The following SLC39A10 variants were observed in gnomAD, a reference collection of about 807,000 sequenced individuals.
SLC39A10 encodes solute carrier family 39 member 10, also known as zinc transporter ZIP10.
SLC39A10 carries 13 observed loss-of-function variants against 65.1 expected under a neutral mutation model. The observed-to-expected ratio is 0.20, with a 90% CI of 0.13 to 0.32. The LOEUF (loss-of-function observed/expected upper bound fraction) is 0.32. Among genes scored for constraint, SLC39A10 ranks in the 10% least tolerant of loss-of-function variants. The pLI is 1.00. For synonymous variants in SLC39A10, 321 were observed against 342.2 expected (o/e 0.94, Z 0.68); for missense variants, 831 against 1,018.4 (o/e 0.82, Z 2.50).
At chr2:195,694,091 C>T (rs534077000) in intron 3 of SLC39A10, among the ~76,000 whole-genome samples, 1 of 152,032 alleles carries the variant, frequency 6.6e-6, no homozygotes, top group African/African-American at 2.4e-5. Context: ...ATTTAATTTC[C>T]TTATATTTGT....
intron 8 of SLC39A10, among the ~76,000 whole-genome samples, chr2:195,727,694 T>TA (rs1416332595): frequency 6.6e-6 from 1 of 152,198 alleles, no homozygotes; most frequent in African/African-American, 2.4e-5. Flanking sequence ...TTTTCTTTTG[T>TA]AAAAATTTGA....
At position 195,713,381 on chromosome 2, in the gene SLC39A10, G is replaced by A. The variant is rs114906562; in HGVS notation, c.1576-52G>A. 4,255 of 1,395,410 alleles carry A rather than the reference G, an allele frequency of 3.0e-3. 114 individuals are homozygous for A. In the African/African-American group the frequency reaches 0.057, roughly 19 times the overall value. 86.4% of individuals were successfully genotyped at this position (1,395,410 alleles called of 1,614,324 possible). A position where few individuals can be genotyped will look rare whatever the true frequency, so the allele number is the denominator to read the frequency against. ...TAATGAGTCAATATTGTTGCTAATT[G>A]TGTCCTCACATTTTATACTAATATC... On this transcript the variant is annotated intron_variant, in intron 5 of 9. Coordinates refer to ENST00000359634, the MANE Select transcript of SLC39A10 (RefSeq NM_020342.3).
intron 3 of SLC39A10, among the ~76,000 whole-genome samples, chr2:195,694,607 C>T (rs1690869526): frequency 6.6e-6 from 1 of 152,168 alleles, no homozygotes; most frequent in Admixed American, 6.5e-5. Flanking sequence ...GATCCACCTT[C>T]AGGTCTGTCA....
intron 2 of SLC39A10, among the ~76,000 whole-genome samples, chr2:195,618,399 G>T (rs1688273550): frequency 6.6e-6 from 1 of 151,206 alleles, no homozygotes; most frequent in African/African-American, 2.4e-5. Context: ...ACAGTATTGA[G>T]AAAGGAAAGC....
chr2:195,623,333 G>T (rs999339266), intron 2 of SLC39A10, among the ~76,000 whole-genome samples: 1 of 152,162 alleles, frequency 6.6e-6, no homozygotes, highest in African/African-American at 2.4e-5. Context: ...CCTCCTAAGT[G>T]TAAGTAGTAA....
At chr2:195,731,400 G>A (rs1692429385) in intron 9 of SLC39A10, among the ~76,000 whole-genome samples, 1 of 152,054 alleles carries the variant, frequency 6.6e-6, no homozygotes, top group Non-Finnish European at 1.5e-5. Context: ...CTCTATCCCT[G>A]CTTTACTTTT....
intron 2 of SLC39A10, among the ~76,000 whole-genome samples, chr2:195,617,502 C>T (rs1051989490): frequency 1.3e-5 from 2 of 151,868 alleles, no homozygotes; most frequent in African/African-American, 4.8e-5. Context: ...GCAGATGTTG[C>T]AGTGAGCCGG....
intron 8 of SLC39A10, among the ~76,000 whole-genome samples, chr2:195,724,233 C>A (rs1692153470): frequency 6.6e-6 from 1 of 152,092 alleles, no homozygotes; most frequent in South Asian, 2.1e-4. Context: ...ACAGCTTTGG[C>A]AGGCACACCT....
chr2:195,729,001 C>G (rs1305289699), intron 9 of SLC39A10, among the ~76,000 whole-genome samples: 1 of 144,038 alleles, frequency 6.9e-6, no homozygotes, highest in Non-Finnish European at 1.5e-5. Context: ...GAGATAGGGT[C>G]TTGCTCTGTT....
At chr2:195,657,660 C>T in intron 1 of SLC39A10, 1 of 981,528 alleles carries the variant, frequency 1.0e-6, no homozygotes, top group Non-Finnish European at 1.2e-6. Context: ...GACCGCTGGG[C>T]GGGTGGCGGC....
chr2:195,679,125 A>G (rs946913709), intron 1 of SLC39A10, among the ~76,000 whole-genome samples: 16 of 152,200 alleles, frequency 1.1e-4, no homozygotes, highest in African/African-American at 3.9e-4. Flanking sequence ...TAGTTCATTT[A>G]AGTACCCGTA....
intron 1 of SLC39A10, chr2:195,658,542 T>C (rs965383743): frequency 6.6e-6 from 1 of 152,246 alleles, no homozygotes; most frequent in Non-Finnish European, 1.5e-5. Flanking sequence ...TGTATTTGTT[T>C]TCTTTTTGGA....
At chr2:195,616,771 T>C (rs1350080867) in intron 2 of SLC39A10, among the ~76,000 whole-genome samples, 1 of 150,598 alleles carries the variant, frequency 6.6e-6, no homozygotes, top group Non-Finnish European at 1.5e-5. Flanking sequence ...GCCTGGCTAA[T>C]TTTTTGTATT....
intron 4 of SLC39A10, among the ~76,000 whole-genome samples, chr2:195,707,773 G>C (rs2105812696): frequency 6.6e-6 from 1 of 152,142 alleles, no homozygotes; most frequent in South Asian, 2.1e-4. Flanking sequence ...ATTAAGAAGG[G>C]TTAACTAAAC....
chr2:195,665,107 CT>C (rs1689585378), intron 1 of SLC39A10, among the ~76,000 whole-genome samples: 1 of 152,222 alleles, frequency 6.6e-6, no homozygotes, highest in African/African-American at 2.4e-5. Context: ...GCTGGATCAC[CT>C]GAGGTCAGGA....
chr2:195,692,620 G>A (rs375755485), intron 3 of SLC39A10, among the ~76,000 whole-genome samples: 4 of 152,216 alleles, frequency 2.6e-5, no homozygotes, highest in Admixed American at 6.5e-5. Context: ...AGGGCGTTGA[G>A]TTCTTGATTT....
intron 1 of SLC39A10, among the ~76,000 whole-genome samples, chr2:195,678,188 T>C (rs1690167140): frequency 1.3e-5 from 2 of 152,226 alleles, no homozygotes; most frequent in Non-Finnish European, 2.9e-5. Context: ...TTCTGGCAGA[T>C]CTTGCCAAAC....
chr2:195,735,240 C>A lies in SLC39A10; in HGVS notation c.*199C>A. On this transcript the variant is annotated 3_prime_UTR_variant, in exon 10 of 10. Transcript: ENST00000359634. ...GTAGGGGTCTTTTAAAAATATAAAG[C>A]TTGTGATAAAGAGAGGAGAATATGG... The A allele has an allele frequency of 2.4e-6, 1 of 422,692 alleles. No individual in the cohort carries two copies. 26.2% of individuals were successfully genotyped at this position (422,692 alleles called of 1,614,324 possible).
At chr2:195,707,618 A>G (rs888795868) in intron 4 of SLC39A10, among the ~76,000 whole-genome samples, 2 of 151,692 alleles carry the variant, frequency 1.3e-5, no homozygotes, top group Non-Finnish European at 2.9e-5. Context: ...AAACAGGTTA[A>G]TGAATCTTAA....
Sources: allele counts gnomAD v4.1 joint callset (sites outside exome capture counted in the v4.1 genomes callset), GRCh38; gene constraint gnomAD v4.1.1; transcripts MANE v1.5; gene names NCBI Gene and HGNC (gene_info 2026-07-23, HGNC 2026-07-21).